Variants in AKT3 observed in about 807,000 individuals in gnomAD.
AKT3 encodes AKT serine/threonine kinase 3, also known as RAC-gamma serine/threonine-protein kinase.
A neutral mutation model predicts 65.3 loss-of-function variants in AKT3; 15 were observed. The ratio of observed to expected loss-of-function variants is 0.23; its 90% CI spans 0.15 to 0.35. The LOEUF (loss-of-function observed/expected upper bound fraction) is 0.35, where lower values mean the gene tolerates loss of function less well. Ranked by LOEUF, AKT3 falls within the 10% of genes least tolerant of loss-of-function variation. The pLI is 1.00. For synonymous variants in AKT3, 206 were observed against 183.8 expected (o/e 1.12, Z -0.98); for missense variants, 243 against 576.5 (o/e 0.42, Z 5.92).
At chr1:243,550,915 C>T (rs1384121265) in intron 11 of AKT3, among the ~76,000 whole-genome samples, 5 of 132,338 alleles carry the variant, frequency 3.8e-5, no homozygotes, top group South Asian at 2.5e-4. Context: ...GCCGAGATTG[C>T]GCCACTGCAC....
intron 2 of AKT3, among the ~76,000 whole-genome samples, chr1:243,716,654 C>G (rs1481562191): frequency 6.6e-6 from 1 of 151,978 alleles, no homozygotes; most frequent in East Asian, 1.9e-4. Flanking sequence ...ATGAGAATAC[C>G]TAACATAGAA....
intron 1 of AKT3, among the ~76,000 whole-genome samples, chr1:243,848,605 G>T (rs1238387506): frequency 6.6e-6 from 1 of 152,184 alleles, no homozygotes; most frequent in Admixed American, 6.5e-5. Context: ...ACAAAACCCA[G>T]TGGTTGCCTA....
At position 243,657,591 on chromosome 1, in the gene AKT3, T is replaced by C. The variant is rs189228301; in HGVS notation, c.284+7181A>G. 4.5e-4 allele frequency among the ~76,000 whole-genome samples: 68 copies of C among 152,064 alleles called. No individual in the cohort carries two copies. In the East Asian group the frequency reaches 0.013, roughly 29 times the overall value. ...ACCACAAAGTAAGCTACAGATTCAA[T>C]GCAATCCTTTTCAAAATCCTACAGC... On this transcript the variant is annotated intron_variant, in intron 4 of 13. Transcript: ENST00000673466.
chr1:243,778,761 C>G (rs533156870), intron 2 of AKT3, among the ~76,000 whole-genome samples: 2 of 152,290 alleles, frequency 1.3e-5, no homozygotes, highest in Admixed American at 1.3e-4. Flanking sequence ...ACCCATCCAT[C>G]TGCCTGTTTA....
rs982600466 is a variant in AKT3, at chr1:243,559,885, T to C, written c.948+3835A>G. 2.5e-4 allele frequency among the ~76,000 whole-genome samples: 38 copies of C among 152,066 alleles called. 1 individual carries two copies. The highest frequency in any genetic ancestry group is 8.9e-4 in the African/African-American group (37 of 41,424). ...CCCAGCATTAATAATGGTAATGTAC[T>C]AGAAATTTCAAGGTCCAAAAAAAGT... On this transcript the variant is annotated intron_variant, in intron 10 of 13. Transcript: ENST00000673466.
chr1:243,558,822 A>G (rs2148478324), intron 10 of AKT3, among the ~76,000 whole-genome samples: 1 of 152,158 alleles, frequency 6.6e-6, no homozygotes, highest in East Asian at 1.9e-4. Flanking sequence ...TAACATTCAG[A>G]TGATTATCTG....
At chr1:243,805,190 T>A (rs1692648314) in intron 2 of AKT3, among the ~76,000 whole-genome samples, 1 of 152,138 alleles carries the variant, frequency 6.6e-6, no homozygotes, top group South Asian at 2.1e-4. Context: ...TCCCTCTTTT[T>A]TCCTCTTCTG....
chr1:243,532,241 G>A (rs1477190530), intron 12 of AKT3, among the ~76,000 whole-genome samples: 1 of 152,132 alleles, frequency 6.6e-6, no homozygotes, highest in South Asian at 2.1e-4. Flanking sequence ...TGTGAGCTGA[G>A]GGTTTTCCAA....
chr1:243,625,308 T>A (rs1382004104), intron 6 of AKT3, among the ~76,000 whole-genome samples: 1 of 151,848 alleles, frequency 6.6e-6, no homozygotes, highest in African/African-American at 2.4e-5. Context: ...ATTTTCTGTA[T>A]TTTTAGTGGA....
intron 2 of AKT3, chr1:243,703,168 A>G (rs1572198353): frequency 6.6e-6 from 1 of 152,206 alleles, no homozygotes; most frequent in East Asian, 1.9e-4. Context: ...TGAACTACCT[A>G]AAAGAATATG....
intron 2 of AKT3, among the ~76,000 whole-genome samples, chr1:243,738,121 AAT>A (rs1687946901): frequency 6.6e-6 from 1 of 152,198 alleles, no homozygotes. Context: ...TTTGCATCCT[AAT>A]AGTTCTACTT....
chr1:243,829,092 A>G (rs1397419162), intron 2 of AKT3, among the ~76,000 whole-genome samples: 1 of 152,164 alleles, frequency 6.6e-6, no homozygotes, highest in Non-Finnish European at 1.5e-5. Flanking sequence ...AATCTCTTCA[A>G]TCCGAATCTC....
intron 2 of AKT3, among the ~76,000 whole-genome samples, chr1:243,714,226 T>C (rs757268793): frequency 3.3e-5 from 5 of 152,250 alleles, no homozygotes; most frequent in Non-Finnish European, 7.3e-5. Context: ...GATTTGAATA[T>C]CTGATACTCA....
At chr1:243,759,039 G>T (rs1382787694) in intron 2 of AKT3, among the ~76,000 whole-genome samples, 2 of 152,116 alleles carry the variant, frequency 1.3e-5, no homozygotes, top group African/African-American at 4.8e-5. Context: ...CAGAATAAAG[G>T]GAGGTGGCTC....
chr1:243,630,365 C>G (rs1679517340), intron 6 of AKT3, among the ~76,000 whole-genome samples: 1 of 152,176 alleles, frequency 6.6e-6, no homozygotes, highest in South Asian at 2.1e-4. Flanking sequence ...GGGCAAAATT[C>G]CTCTAAATCT....
rs545992443 is a variant in AKT3, at chr1:243,593,466, C to A, written c.696+20205G>T. Among the ~76,000 whole-genome samples, 45 of 152,298 alleles carry A rather than the reference C, an allele frequency of 3.0e-4. No homozygotes were observed. The East Asian group carries it at 5.0e-3, about 17-fold the overall frequency. On this transcript the variant is annotated intron_variant, in intron 8 of 13. Transcript: ENST00000673466. ...CTTTGGGAGGCCTAGGTGCGTGGAT[C>A]ACTTGAGGGTAAGAGTTCGAGAGCA...
intron 8 of AKT3, among the ~76,000 whole-genome samples, chr1:243,611,948 G>A (rs1677902534): frequency 6.6e-6 from 1 of 152,100 alleles, no homozygotes; most frequent in East Asian, 1.9e-4. Context: ...GACTTTATTA[G>A]AAGTTAGGTC....
At chr1:243,497,129 TCC>T (rs1000468460), downstream of AKT3, among the ~76,000 whole-genome samples, 8 of 152,128 alleles carry the variant, frequency 5.3e-5, no homozygotes, top group African/African-American at 1.9e-4. Context: ...TGACAGGACT[TCC>T]TGGAAATAAG....
intron 8 of AKT3, among the ~76,000 whole-genome samples, chr1:243,605,578 G>A (rs1251372920): frequency 6.6e-6 from 1 of 152,152 alleles, no homozygotes; most frequent in Non-Finnish European, 1.5e-5. Flanking sequence ...GTCTATCTCA[G>A]CTATATCTTA....
Sources: allele counts gnomAD v4.1 joint callset (sites outside exome capture counted in the v4.1 genomes callset), GRCh38; gene constraint gnomAD v4.1.1; transcripts MANE v1.5; gene names NCBI Gene and HGNC (gene_info 2026-07-23, HGNC 2026-07-21).